PDE4C: variants seen among roughly 807,000 people sequenced by gnomAD.
PDE4C encodes the protein 3',5'-cyclic-AMP phosphodiesterase 4C.
PDE4C carries 50 observed loss-of-function variants against 63.9 expected under a neutral mutation model. That is an observed-to-expected ratio of 0.78 (90% confidence interval 0.62 to 0.99). The LOEUF is 0.99. PDE4C is among the 50% of genes least tolerant of loss of function. The pLI, the probability that PDE4C is intolerant of heterozygous loss-of-function variation, is 0.00. For synonymous variants in PDE4C, 377 were observed against 385.1 expected (o/e 0.98, Z 0.25); for missense variants, 777 against 899.1 (o/e 0.86, Z 1.74).
exon 8 of PDE4C, chr19:18,219,292 G>A: frequency 6.2e-7 from 1 of 1,614,192 alleles, no homozygotes; most frequent in Non-Finnish European, 8.5e-7. Context: ...AGTGGCTGAG[G>A]AGAGGCTGGC....
chr19:18,250,262 C>G (rs145561122), upstream of PDE4C: 4,646 of 399,084 alleles, frequency 0.012, 205 homozygotes, highest in African/African-American at 0.087. Context: ...GCAGCTCCCC[C>G]AACCATGCCT....
At chr19:18,247,269 C>A (rs1266815400) in intron 1 of PDE4C, among the ~76,000 whole-genome samples, 1 of 152,142 alleles carries the variant, frequency 6.6e-6, no homozygotes, top group Non-Finnish European at 1.5e-5. Flanking sequence ...CCCCTGTGAG[C>A]TGGTCCCCGA....
At chr19:18,233,030 C>G in exon 1 of PDE4C, 1 of 1,548,076 alleles carries the variant, frequency 6.5e-7, no homozygotes, top group Non-Finnish European at 8.7e-7. Context: ...CGCGGCAGCC[C>G]GCGGACTTGT....
chr19:18,242,295 G>A (rs1242362198), intron 1 of PDE4C, among the ~76,000 whole-genome samples: 1 of 151,786 alleles, frequency 6.6e-6, no homozygotes, highest in Admixed American at 6.6e-5. Flanking sequence ...GGCCAACATA[G>A]TGAAACCCTT....
At chr19:18,213,036 G>A (rs903928177) in intron 13 of PDE4C, among the ~76,000 whole-genome samples, 2 of 146,770 alleles carry the variant, frequency 1.4e-5, no homozygotes, top group African/African-American at 2.5e-5. Context: ...GCTCACGCCT[G>A]TAATCCCAGC....
intron 14 of PDE4C, 77 bp from the exon 15 acceptor site, chr19:18,211,353 T>C (rs1457838217): frequency 1.8e-5 from 23 of 1,277,164 alleles, no homozygotes; most frequent in Non-Finnish European, 2.5e-5. Flanking sequence ...TCCAGATCTT[T>C]AGCCAAGTTG....
At chr19:18,219,278 G>A in exon 8 of PDE4C, 1 of 1,614,194 alleles carries the variant, frequency 6.2e-7, no homozygotes. Flanking sequence ...CCAAAGCGTG[G>A]GACAGTGGCT....
exon 10 of PDE4C, chr19:18,218,462 C>A: frequency 6.2e-7 from 1 of 1,614,224 alleles, no homozygotes; most frequent in Non-Finnish European, 8.5e-7. Flanking sequence ...GCCAGTGTGT[C>A]TGCTGGGATC....
intron 1 of PDE4C, among the ~76,000 whole-genome samples, chr19:18,242,971 G>T (rs750703474): frequency 2.0e-5 from 3 of 152,098 alleles, no homozygotes; most frequent in African/African-American, 7.2e-5. Flanking sequence ...GCCTATCCCT[G>T]GGGCAGAGGC....
At chr19:18,232,903 C>T (rs1258676684) in intron 1 of PDE4C, 2 of 1,416,138 alleles carry the variant, frequency 1.4e-6, no homozygotes, top group African/African-American at 1.5e-5. Flanking sequence ...CCAGGCCCCG[C>T]GCGCCCCTCC....
upstream of PDE4C, among the ~76,000 whole-genome samples, chr19:18,234,534 G>A (rs1398418927): frequency 2.6e-5 from 4 of 152,182 alleles, no homozygotes; most frequent in Admixed American, 2.6e-4. Flanking sequence ...GGGCTGGGCG[G>A]GTGAGTGTGG....
At chr19:18,253,083 T>G (rs1439199512), upstream of PDE4C, among the ~76,000 whole-genome samples, 4 of 152,212 alleles carry the variant, frequency 2.6e-5, no homozygotes, top group Non-Finnish European at 5.9e-5. Flanking sequence ...CCAGTCCTCT[T>G]GGCTGAGAGC....
At chr19:18,241,602 G>A (rs1034885178) in intron 1 of PDE4C, among the ~76,000 whole-genome samples, 7 of 151,640 alleles carry the variant, frequency 4.6e-5, no homozygotes, top group Non-Finnish European at 8.8e-5. Context: ...AGGCTGGAGC[G>A]TGCAGTGGTG....
intron 1 of PDE4C, among the ~76,000 whole-genome samples, chr19:18,238,834 T>A (rs910707855): frequency 7.3e-5 from 11 of 151,538 alleles, no homozygotes; most frequent in Non-Finnish European, 1.6e-4. Flanking sequence ...CTACTAAAAA[T>A]ACGAAAATTA....
At chr19:18,233,320 C>A in exon 1 of PDE4C, 1 of 1,314,892 alleles carries the variant, frequency 7.6e-7, no homozygotes. Context: ...CTGTCCGCGC[C>A]GGAGGTGCTG....
At chr19:18,242,802 A>C (rs1969065768) in intron 1 of PDE4C, among the ~76,000 whole-genome samples, 1 of 150,852 alleles carries the variant, frequency 6.6e-6, no homozygotes, top group African/African-American at 2.4e-5. Context: ...AAAAAAAAAA[A>C]AGGGAATTGG....
exon 12 of PDE4C, chr19:18,216,758 T>C (rs1205323853): frequency 6.4e-7 from 1 of 1,566,900 alleles, no homozygotes; most frequent in African/African-American, 1.4e-5. Context: ...ATGACCATCC[T>C]GCGCAGACTC....
At chr19:18,244,228 C>T (rs1969091077) in intron 1 of PDE4C, among the ~76,000 whole-genome samples, 1 of 151,850 alleles carries the variant, frequency 6.6e-6, no homozygotes, top group African/African-American at 2.4e-5. Context: ...GATGGAGGGC[C>T]TGATGGGAGG....
intron 1 of PDE4C, among the ~76,000 whole-genome samples, chr19:18,223,103 A>G (rs1373528218): frequency 6.6e-6 from 1 of 150,570 alleles, no homozygotes; most frequent in Non-Finnish European, 1.5e-5. Context: ...GCAGTGGGGG[A>G]ACGATCTCGG....
Sources: gnomAD v4.1 joint callset for allele counts (sites outside exome capture counted in the v4.1 genomes callset) on GRCh38, gnomAD v4.1.1 for gene constraint, MANE v1.5 for transcripts, NCBI Gene and HGNC (gene_info 2026-07-23, HGNC 2026-07-21) for gene names.